Variants in MYO1D observed in about 807,000 individuals in gnomAD.
MYO1D encodes the protein myosin ID.
A neutral mutation model predicts 122.0 loss-of-function variants in MYO1D; 83 were observed. The ratio of observed to expected loss-of-function variants is 0.68; its 90% CI spans 0.57 to 0.82. The LOEUF (loss-of-function observed/expected upper bound fraction) is 0.82. MYO1D is among the 40% of genes least tolerant of loss of function. The pLI is 0.00. For synonymous variants in MYO1D, 464 were observed against 446.9 expected, an observed-to-expected ratio of 1.04 and a Z score of -0.48; for missense variants, 1,157 against 1,269.5, an observed-to-expected ratio of 0.91 and a Z score of 1.35.
chr17:32,748,727 G>A (rs2089866742), intron 12 of MYO1D, among the ~76,000 whole-genome samples: 1 of 152,156 alleles, frequency 6.6e-6, no homozygotes, highest in African/African-American at 2.4e-5. Context: ...AAATGTACAT[G>A]GGCAAGTAGT....
At chr17:32,727,440 C>G (rs149858756) in intron 14 of MYO1D, 2 of 152,208 alleles carry the variant, frequency 1.3e-5, no homozygotes, top group Admixed American at 6.5e-5. Context: ...ACCCACCAGA[C>G]ATCATTCTCC....
intron 14 of MYO1D, among the ~76,000 whole-genome samples, chr17:32,735,516 A>G (rs1411396419): frequency 6.6e-6 from 1 of 152,118 alleles, no homozygotes; most frequent in Non-Finnish European, 1.5e-5. Flanking sequence ...TGTATTTCCT[A>G]TTCTCTGGGT....
chr17:32,851,835 C>T (rs1394510384), intron 1 of MYO1D, among the ~76,000 whole-genome samples: 5 of 152,218 alleles, frequency 3.3e-5, no homozygotes, highest in Admixed American at 6.5e-5. Flanking sequence ...AGGTGGAGCT[C>T]AGGCTGTAAT....
intron 21 of MYO1D, among the ~76,000 whole-genome samples, chr17:32,543,575 A>AAAACAAAC (rs141567803): frequency 6.7e-6 from 1 of 149,086 alleles, no homozygotes; most frequent in Non-Finnish European, 1.5e-5. Flanking sequence ...CTCTGTCTCA[A>AAAACAAAC]AAACAAACAA....
chr17:32,664,642 C>A (rs977963889), intron 16 of MYO1D, among the ~76,000 whole-genome samples: 1 of 152,076 alleles, frequency 6.6e-6, no homozygotes, highest in Non-Finnish European at 1.5e-5. Context: ...CAGAGGATAT[C>A]GGGTAGAGAG....
chr17:32,572,129 T>C (rs2087235701), intron 21 of MYO1D, among the ~76,000 whole-genome samples: 1 of 145,372 alleles, frequency 6.9e-6, no homozygotes, highest in Admixed American at 6.7e-5. Flanking sequence ...ATAATATATG[T>C]ATCCTTTATT....
chr17:32,843,456 A>G (rs769728177), intron 1 of MYO1D, among the ~76,000 whole-genome samples: 3 of 152,230 alleles, frequency 2.0e-5, no homozygotes, highest in Admixed American at 6.5e-5. Context: ...CAAATTAGTA[A>G]TGGAATGTCA....
chr17:32,876,524 C>T (rs1248655894), intron 1 of MYO1D, among the ~76,000 whole-genome samples: 1 of 152,160 alleles, frequency 6.6e-6, no homozygotes, highest in Non-Finnish European at 1.5e-5. Flanking sequence ...GCGCCCAGGG[C>T]TCCCCTCTCA....
intron 21 of MYO1D, among the ~76,000 whole-genome samples, chr17:32,513,278 G>T (rs1036491044): frequency 1.3e-5 from 2 of 152,226 alleles, no homozygotes; most frequent in African/African-American, 4.8e-5. Flanking sequence ...TGTAAGTCAA[G>T]GCAGAAAGAG....
intron 1 of MYO1D, among the ~76,000 whole-genome samples, chr17:32,818,500 A>G (rs1266444281): frequency 6.6e-6 from 1 of 152,194 alleles, no homozygotes; most frequent in East Asian, 1.9e-4. Flanking sequence ...TCAAGGATCA[A>G]AAAAATGGGG....
At chr17:32,828,569 G>C (rs2090744795) in intron 1 of MYO1D, among the ~76,000 whole-genome samples, 1 of 150,130 alleles carries the variant, frequency 6.7e-6, no homozygotes, top group Admixed American at 6.6e-5. Context: ...GTGTGTACGT[G>C]AATGAGTCAA....
At chr17:32,793,853 T>C (rs966324584) in intron 1 of MYO1D, among the ~76,000 whole-genome samples, 4 of 152,230 alleles carry the variant, frequency 2.6e-5, no homozygotes, top group Non-Finnish European at 4.4e-5. Flanking sequence ...ATATAGTACC[T>C]TTCCCTCAGA....
intron 7 of MYO1D, 92 bp from the exon 8 acceptor site, chr17:32,765,173 G>A: frequency 9.5e-7 from 1 of 1,051,278 alleles, no homozygotes. Flanking sequence ...GACCTTGTTT[G>A]TACCTATTTT....
chr17:32,646,421 G>A (rs1472658632), intron 19 of MYO1D, among the ~76,000 whole-genome samples: 1 of 151,772 alleles, frequency 6.6e-6, no homozygotes, highest in Non-Finnish European at 1.5e-5. Flanking sequence ...GTCACAGCCT[G>A]GGCAACAGAA....
intron 19 of MYO1D, among the ~76,000 whole-genome samples, chr17:32,648,209 C>T (rs962378170): frequency 2.0e-5 from 3 of 151,722 alleles, no homozygotes; most frequent in African/African-American, 4.9e-5. Context: ...GTAAGACTGC[C>T]TCAAAAAAAC....
chr17:32,790,077 G>A (rs999497048), intron 1 of MYO1D, among the ~76,000 whole-genome samples: 5 of 152,112 alleles, frequency 3.3e-5, no homozygotes, highest in African/African-American at 7.2e-5. Flanking sequence ...CCTATATAGA[G>A]CAAGAGTTTT....
chr17:32,727,819 A>G (rs995090152), intron 14 of MYO1D, among the ~76,000 whole-genome samples: 2 of 152,238 alleles, frequency 1.3e-5, no homozygotes, highest in African/African-American at 2.4e-5. Flanking sequence ...CACTTGAAAC[A>G]TAAGGATATA....
chr17:32,809,811 C>T (rs1457669410), intron 1 of MYO1D, among the ~76,000 whole-genome samples: 1 of 152,226 alleles, frequency 6.6e-6, no homozygotes, highest in Non-Finnish European at 1.5e-5. Context: ...ACTGCTAATA[C>T]TTGGACAGGC....
At chr17:32,822,591 C>T (rs2090680436) in intron 1 of MYO1D, among the ~76,000 whole-genome samples, 1 of 148,470 alleles carries the variant, frequency 6.7e-6, no homozygotes, top group African/African-American at 2.4e-5. Flanking sequence ...ACCGCGGAGG[C>T]GGCCGCGCCG....
Sources: allele counts gnomAD v4.1 joint callset (sites outside exome capture counted in the v4.1 genomes callset), GRCh38; gene constraint gnomAD v4.1.1; transcripts MANE v1.5; gene names NCBI Gene and HGNC (gene_info 2026-07-23, HGNC 2026-07-21).